The following CACNA1E variants were observed in gnomAD, a reference collection of about 807,000 sequenced individuals.
CACNA1E encodes the protein voltage-dependent R-type calcium channel subunit alpha-1E.
CACNA1E carries 40 observed loss-of-function variants against 259.2 expected under a neutral mutation model. The ratio of observed to expected loss-of-function variants is 0.15; its 90% CI spans 0.12 to 0.20. The LOEUF is 0.20. CACNA1E is among the 10% of genes least tolerant of loss of function. The pLI, the probability that CACNA1E is intolerant of heterozygous loss-of-function variation, is 1.00. For synonymous variants in CACNA1E, 1,104 were observed against 1,138.5 expected (o/e 0.97, Z 0.61); for missense variants, 1,874 against 3,040.1 (o/e 0.62, Z 9.02).
intron 1 of CACNA1E, among the ~76,000 whole-genome samples, chr1:181,389,499 G>A (rs569738606): frequency 6.6e-6 from 1 of 152,332 alleles, no homozygotes; most frequent in East Asian, 1.9e-4. Flanking sequence ...TCACAAGTAC[G>A]GAATCTGCAA....
chr1:181,686,275 G>GTTTTTTTTTTTTTTTTT lies in CACNA1E; in HGVS notation c.1056-24667_1056-24651dup, dbSNP rs66526388. Among the ~76,000 whole-genome samples the GTTTTTTTTTTTTTTTTT allele has an allele frequency of 2.4e-4, 14 of 58,670 alleles. 1 individual carries two copies. Among genetic ancestry groups the GTTTTTTTTTTTTTTTTT allele is most frequent in the African/African-American group, 3.1e-4 (5 of 16,128 alleles). The allele number at this position is 58,670 out of a possible 152,430, so 38.5% of individuals were successfully genotyped here. ...AGGCTTGGAGGCCAGTAAGAACCAA[G>GTTTTTTTTTTTTTTTTT]TTTTTTTTTTTTTTTTTTTTTTTTT... is the stretch of plus-strand genomic sequence containing the variant. On this transcript the variant is annotated intron_variant, in intron 7 of 47. Coordinates refer to ENST00000367573, the MANE Select transcript of CACNA1E (RefSeq NM_001205293.3).
chr1:181,570,177 TA>T (rs397700677), intron 3 of CACNA1E, among the ~76,000 whole-genome samples: 1 of 151,750 alleles, frequency 6.6e-6, no homozygotes, highest in Non-Finnish European at 1.5e-5. Context: ...TTTTTTTTTT[TA>T]AAGTTCTTCC....
intron 6 of CACNA1E, among the ~76,000 whole-genome samples, chr1:181,588,429 C>T (rs1652308395): frequency 6.6e-6 from 1 of 152,188 alleles, no homozygotes; most frequent in South Asian, 2.1e-4. Context: ...AGCCTTCTCC[C>T]CACCGCTCCC....
chr1:181,436,971 T>C (rs1360691029), intron 2 of CACNA1E, among the ~76,000 whole-genome samples: 1 of 152,124 alleles, frequency 6.6e-6, no homozygotes, highest in Non-Finnish European at 1.5e-5. Flanking sequence ...TTAAACCCCA[T>C]AAATATATAC....
At chr1:181,750,585 A>T in intron 26 of CACNA1E, 98 bp downstream of exon 26, 1 of 1,116,314 alleles carries the variant, frequency 9.0e-7, no homozygotes, top group Non-Finnish European at 1.3e-6. Context: ...CGCACTGAGA[A>T]AAGAGTGGTC....
At chr1:181,460,216 G>A (rs1157577406) in intron 2 of CACNA1E, among the ~76,000 whole-genome samples, 1 of 152,110 alleles carries the variant, frequency 6.6e-6, no homozygotes, top group Non-Finnish European at 1.5e-5. Flanking sequence ...AGAATGATAT[G>A]GTCTGTTAGA....
At chr1:181,524,504 C>T (rs527375712) in intron 3 of CACNA1E, among the ~76,000 whole-genome samples, 1 of 152,180 alleles carries the variant, frequency 6.6e-6, no homozygotes, top group South Asian at 2.1e-4. Context: ...AATAACCCCC[C>T]AAATTTCAAT....
At chr1:181,437,994 A>T (rs904688865) in intron 2 of CACNA1E, among the ~76,000 whole-genome samples, 2 of 152,220 alleles carry the variant, frequency 1.3e-5, no homozygotes, top group Non-Finnish European at 2.9e-5. Flanking sequence ...CTTTTGACTT[A>T]TGCCATCCTC....
chr1:181,731,047 C>A, intron 18 of CACNA1E, 128 bp from the exon 19 acceptor site: 1 of 702,976 alleles, frequency 1.4e-6, no homozygotes. Context: ...AGAAGGCAAG[C>A]AGGCACATGG....
In CACNA1E at chr1:181,513,589, G is replaced by A. The variant is rs55765022; in HGVS notation, c.512+2079G>A. 2.9e-3 allele frequency among the ~76,000 whole-genome samples: 441 copies of A among 152,334 alleles called. 3 individuals carry two copies. Among genetic ancestry groups the A allele is most frequent in the African/African-American group, 0.01 (435 of 41,580 alleles). On this transcript the variant is annotated intron_variant, in intron 3 of 47. Coordinates refer to ENST00000367573, the MANE Select transcript of CACNA1E (RefSeq NM_001205293.3). ...TGGAGGAGTATACGGCTGTTCTGGTGTGGGGTCTGGGAACTAATGGCTGAG... is the reference window on the plus strand; with the variant it reads ...TGGAGGAGTATACGGCTGTTCTGGTATGGGGTCTGGGAACTAATGGCTGAG...
At chr1:181,591,878 G>T (rs1487718263) in intron 6 of CACNA1E, among the ~76,000 whole-genome samples, 2 of 152,236 alleles carry the variant, frequency 1.3e-5, no homozygotes, top group Non-Finnish European at 2.9e-5. Flanking sequence ...GCACTCATGT[G>T]AGAAATTATT....
chr1:181,480,129 A>G (rs1353522720), upstream of CACNA1E, among the ~76,000 whole-genome samples: 1 of 152,014 alleles, frequency 6.6e-6, no homozygotes, highest in Non-Finnish European at 1.5e-5. Context: ...AAAAATAAAA[A>G]CAACAACTGT....
chr1:181,703,157 T>C (rs1447361971), intron 7 of CACNA1E, among the ~76,000 whole-genome samples: 2 of 152,204 alleles, frequency 1.3e-5, no homozygotes, highest in South Asian at 4.1e-4. Flanking sequence ...AGGCACTCAA[T>C]AAATTGTATT....
chr1:181,514,232 CAAT>C (rs1666381196), intron 3 of CACNA1E, among the ~76,000 whole-genome samples: 1 of 152,158 alleles, frequency 6.6e-6, no homozygotes, highest in Non-Finnish European at 1.5e-5. Context: ...CTGTGTCTTA[CAAT>C]AATGGCATGA....
intron 25 of CACNA1E, among the ~76,000 whole-genome samples, chr1:181,749,335 CAG>C (rs1657385908): frequency 6.6e-6 from 1 of 152,204 alleles, no homozygotes; most frequent in Non-Finnish European, 1.5e-5. Flanking sequence ...TAAACTCACT[CAG>C]TGAATGATCT....
chr1:181,617,377 G>T (rs569555467), intron 6 of CACNA1E, among the ~76,000 whole-genome samples: 1 of 151,690 alleles, frequency 6.6e-6, no homozygotes, highest in Non-Finnish European at 1.5e-5. Flanking sequence ...TAAGTCTTCC[G>T]CCAGAAAATA....
intron 25 of CACNA1E, among the ~76,000 whole-genome samples, chr1:181,747,332 G>T (rs1657179894): frequency 6.6e-6 from 1 of 152,220 alleles, no homozygotes; most frequent in Non-Finnish European, 1.5e-5. Flanking sequence ...GGGGCTGGGA[G>T]GTGAAGAGCG....
intron 6 of CACNA1E, among the ~76,000 whole-genome samples, chr1:181,623,503 T>C (rs954843464): frequency 2.6e-5 from 4 of 152,216 alleles, no homozygotes; most frequent in South Asian, 2.1e-4. Flanking sequence ...ATAGATTTCG[T>C]AGATTACAAA....
chr1:181,554,679 C>T (rs867321127), intron 3 of CACNA1E, among the ~76,000 whole-genome samples: 8 of 152,316 alleles, frequency 5.3e-5, no homozygotes, highest in Admixed American at 1.3e-4. Context: ...CCTGCTTTCT[C>T]GTTGCTCACA....
Sources: allele counts gnomAD v4.1 joint callset (sites outside exome capture counted in the v4.1 genomes callset), GRCh38; gene constraint gnomAD v4.1.1; transcripts MANE v1.5; gene names NCBI Gene and HGNC (gene_info 2026-07-23, HGNC 2026-07-21).